The following TMEM132D variants were observed in gnomAD, a reference collection of about 807,000 sequenced individuals.
TMEM132D encodes the protein transmembrane protein 132D.
A neutral mutation model predicts 62.3 loss-of-function variants in TMEM132D; 21 were observed. The observed-to-expected ratio is 0.34, with a 90% CI of 0.24 to 0.49. TMEM132D has a LOEUF of 0.49. Ranked by LOEUF, TMEM132D falls within the 20% of genes least tolerant of loss-of-function variation. The probability of loss-of-function intolerance (pLI) is 0.99; values close to 1 mark genes in which losing one functional copy is unlikely to be tolerated. For synonymous variants in TMEM132D, 621 were observed against 575.6 expected (o/e 1.08, Z -1.13); for missense variants, 1,346 against 1,402.8 (o/e 0.96, Z 0.65).
At chr12:129,209,953 AG>A in intron 4 of TMEM132D, 1 of 380,866 alleles carries the variant, frequency 2.6e-6, no homozygotes, top group Non-Finnish European at 4.9e-6. Flanking sequence ...CTTATGTGTC[AG>A]GCACCCTTGT....
intron 4 of TMEM132D, chr12:129,209,966 A>G (rs1410455187): frequency 3.1e-6 from 1 of 323,100 alleles, no homozygotes; most frequent in African/African-American, 2.1e-5. Context: ...CACCCTTGTA[A>G]GTGCTTTACA....
chr12:129,413,056 T>A (rs71464500), intron 3 of TMEM132D, among the ~76,000 whole-genome samples: 30,030 of 152,112 alleles, frequency 0.2, 3,416 homozygotes, highest in East Asian at 0.31. Flanking sequence ...TCAAATAGTA[T>A]ATAATTAACA....
chr12:129,136,473 T>C (rs1013348508), intron 5 of TMEM132D, among the ~76,000 whole-genome samples: 1 of 152,234 alleles, frequency 6.6e-6, no homozygotes, highest in East Asian at 1.9e-4. Context: ...CAGGATTAAA[T>C]TGAGGTTAGG....
At chr12:129,334,346 T>G (rs1021000982) in intron 4 of TMEM132D, among the ~76,000 whole-genome samples, 3 of 146,984 alleles carry the variant, frequency 2.0e-5, no homozygotes, top group Non-Finnish European at 4.4e-5. Flanking sequence ...GGAGGAAGAG[T>G]GATGGATCTA....
intron 5 of TMEM132D, among the ~76,000 whole-genome samples, chr12:129,132,228 A>G (rs1876396168): frequency 6.6e-6 from 1 of 152,178 alleles, no homozygotes; most frequent in Non-Finnish European, 1.5e-5. Context: ...CTATCTATCT[A>G]CCAACCTACC....
intron 1 of TMEM132D, among the ~76,000 whole-genome samples, chr12:129,896,915 T>C (rs751668239): frequency 6.6e-6 from 1 of 152,224 alleles, no homozygotes; most frequent in Non-Finnish European, 1.5e-5. Context: ...TCTAAAACTA[T>C]GTACTTCAGT....
At chr12:129,623,952 C>G (rs770541927) in intron 2 of TMEM132D, among the ~76,000 whole-genome samples, 1 of 151,998 alleles carries the variant, frequency 6.6e-6, no homozygotes, top group Non-Finnish European at 1.5e-5. Context: ...GCTGGACAGT[C>G]GAGAAACTCA....
intron 4 of TMEM132D, among the ~76,000 whole-genome samples, chr12:129,241,379 C>G (rs913432715): frequency 3.3e-5 from 5 of 152,148 alleles, no homozygotes; most frequent in Non-Finnish European, 7.4e-5. Context: ...CTGAATGACA[C>G]ATATGTTTCG....
chr12:129,790,078 C>A (rs868248641), intron 1 of TMEM132D, among the ~76,000 whole-genome samples: 2 of 152,192 alleles, frequency 1.3e-5, no homozygotes, highest in Non-Finnish European at 2.9e-5. Context: ...CTCGCTCAGT[C>A]CCACTGTGTT....
chr12:129,271,351 C>T (rs1880848975), intron 4 of TMEM132D, among the ~76,000 whole-genome samples: 1 of 151,758 alleles, frequency 6.6e-6, no homozygotes, highest in Non-Finnish European at 1.5e-5. Context: ...TTAGACCTCT[C>T]CTATAGAAGA....
rs543821002 is a variant in TMEM132D at position 129,859,317 on chromosome 12, C to A, written c.79+43944G>T. Among the ~76,000 whole-genome samples, 24 of 152,296 alleles carry A rather than the reference C, an allele frequency of 1.6e-4. 1 individual carries two copies. Among genetic ancestry groups the A allele is most frequent in the African/African-American group, 5.8e-4 (24 of 41,566 alleles). ...TATTAGGTTGGTGTAAAAGTAATTG[C>A]AGCTTTGCCATTAAACGTAATAGCA... On this transcript the variant is annotated intron_variant, in intron 1 of 8. Coordinates refer to ENST00000422113, the MANE Select transcript of TMEM132D (RefSeq NM_133448.3).
At chr12:129,339,426 G>T (rs949522055) in intron 3 of TMEM132D, among the ~76,000 whole-genome samples, 26 of 26,192 alleles carry the variant, frequency 9.9e-4, no homozygotes, top group African/African-American at 2.6e-3. Flanking sequence ...GCTGCAATGG[G>T]CTGTGAGTAA....
intron 5 of TMEM132D, among the ~76,000 whole-genome samples, chr12:129,150,315 CAG>C (rs1293900603): frequency 1.3e-5 from 2 of 152,226 alleles, no homozygotes; most frequent in African/African-American, 2.4e-5. Flanking sequence ...CAGCGACGAA[CAG>C]GGGGCTGACG....
chr12:129,360,949 G>A (rs1263033697), intron 3 of TMEM132D, among the ~76,000 whole-genome samples: 1 of 152,192 alleles, frequency 6.6e-6, no homozygotes, highest in African/African-American at 2.4e-5. Context: ...GGCCAAGCAA[G>A]CAGTCAATCT....
chr12:129,319,512 C>A (rs555770965), intron 4 of TMEM132D, among the ~76,000 whole-genome samples: 3 of 152,196 alleles, frequency 2.0e-5, no homozygotes, highest in Admixed American at 6.5e-5. Context: ...TCACTTATGT[C>A]CTTAAAGTGA....
At chr12:129,333,494 T>C (rs1869178873) in intron 4 of TMEM132D, among the ~76,000 whole-genome samples, 1 of 152,334 alleles carries the variant, frequency 6.6e-6, no homozygotes, top group African/African-American at 2.4e-5. Context: ...GGACTAAAGC[T>C]AGGATGCATC....
intron 2 of TMEM132D, among the ~76,000 whole-genome samples, chr12:129,669,251 A>C (rs1317804950): frequency 6.6e-6 from 1 of 152,226 alleles, no homozygotes; most frequent in East Asian, 1.9e-4. Context: ...CTTTTAATAA[A>C]AATGGGGACT....
chr12:129,149,380 A>G (rs1877007787), intron 5 of TMEM132D, among the ~76,000 whole-genome samples: 1 of 152,116 alleles, frequency 6.6e-6, no homozygotes, highest in South Asian at 2.1e-4. Flanking sequence ...TGTATCCCAG[A>G]ACTTAAAGTT....
chr12:129,542,459 ATTTT>A (rs10706099), intron 2 of TMEM132D, among the ~76,000 whole-genome samples: 1 of 151,998 alleles, frequency 6.6e-6, no homozygotes, highest in South Asian at 2.1e-4. Flanking sequence ...GAGGTTGTTA[ATTTT>A]TTTATTAACA....
Sources: allele counts gnomAD v4.1 joint callset (sites outside exome capture counted in the v4.1 genomes callset), GRCh38; gene constraint gnomAD v4.1.1; transcripts MANE v1.5; gene names NCBI Gene and HGNC (gene_info 2026-07-23, HGNC 2026-07-21).